The following MUC5B variants were observed in gnomAD, a reference collection of about 807,000 sequenced individuals.
MUC5B encodes mucin-5B.
MUC5B carries 116 observed loss-of-function variants against 376.9 expected under a neutral mutation model. The observed-to-expected ratio is 0.31, with a 90% CI of 0.26 to 0.36. The LOEUF (loss-of-function observed/expected upper bound fraction) is 0.36. Ranked by LOEUF, MUC5B falls within the 10% of genes least tolerant of loss-of-function variation. The pLI is 1.00. For missense variants in MUC5B, 7,165 were observed against 7,769.9 expected, an observed-to-expected ratio of 0.92 and a Z score of 2.93; for synonymous variants, 3,517 against 3,390.9, an observed-to-expected ratio of 1.04 and a Z score of -1.29.
chr11:1,246,325 G>A lies in MUC5B; in HGVS notation c.9445G>A (p.Gly3149Ser). ...AGCAGCCACTACAACTGCAGCCACTGGCCCCACGGCCACCCCGTCCTCCAC... is the reference window on the plus strand; with the variant it reads ...AGCAGCCACTACAACTGCAGCCACTAGCCCCACGGCCACCCCGTCCTCCAC... ...TTAATTTAATGPTATPSSTPG... is the reference protein window; with the variant it reads ...TTAATTTAATSPTATPSSTPG... The change falls in exon 31 of 49, where the codon GGC becomes AGC. Residue 3149 changes from glycine to serine, a missense_variant. Coordinates refer to ENST00000529681, the MANE Select transcript of MUC5B (RefSeq NM_002458.3). The A allele has an allele frequency of 6.2e-7, 1 of 1,601,286 alleles. No homozygotes were observed. The highest frequency in any genetic ancestry group is 8.5e-7 in the Non-Finnish European group (1 of 1,171,838).
At chr11:1,227,221 C>A in intron 5 of MUC5B, 76 bp downstream of exon 5, 1 of 1,576,300 alleles carries the variant, frequency 6.3e-7, no homozygotes, top group Non-Finnish European at 8.7e-7. Flanking sequence ...GGATGCCTCC[C>A]TGGGCTTGGG....
At chr11:1,231,200 C>T (rs1397383371) in intron 13 of MUC5B, among the ~76,000 whole-genome samples, 195 bp downstream of exon 13, 2 of 152,178 alleles carry the variant, frequency 1.3e-5, no homozygotes, top group East Asian at 3.9e-4. Flanking sequence ...AGGGACCCCA[C>T]ATCCAGCTCG....
At chr11:1,239,736 G>T in intron 27 of MUC5B, 63 bp from the exon 28 acceptor site, 1 of 1,540,488 alleles carries the variant, frequency 6.5e-7, no homozygotes, top group East Asian at 2.4e-5. Context: ...CTGCAGCATG[G>T]AGCCCCTGGC....
In MUC5B at chr11:1,225,513, C is replaced by T. The variant is rs150751394; in HGVS notation, c.71-168C>T. On this transcript the variant is annotated intron_variant, in intron 1 of 48. Transcript: ENST00000529681. Reference sequence around the variant, plus strand: ...GGCCTGAGCGGCTGGGGAGGAGTCCCGGCCTTGGCCACAGTGTGTCGTGAG... The same window carrying T: ...GGCCTGAGCGGCTGGGGAGGAGTCCTGGCCTTGGCCACAGTGTGTCGTGAG... Among the ~76,000 whole-genome samples the T allele has an allele frequency of 3.2e-3, 492 of 152,342 alleles. 5 individuals carry two copies. Among genetic ancestry groups the T allele is most frequent in the African/African-American group, 0.011 (477 of 41,578 alleles).
rs369709848 is a variant in MUC5B at position 1,241,859 on chromosome 11, C to T, written c.4979C>T (p.Pro1660Leu). 4 of 1,613,370 alleles carry T rather than the reference C, an allele frequency of 2.5e-6. No homozygotes were observed. Among genetic ancestry groups the T allele is most frequent in the Middle Eastern group, 1.6e-4 (1 of 6,062 alleles). ...ACCCTCTCAGAAGGACTGACATCCC[C>T]CAGATACACAAGCACCCTTGGTACA... ...VPTLSEGLTS[P>L]RYTSTLGTAT... Residue 1660 changes from proline to leucine, a missense_variant, in exon 31 of 49, where the codon CCC becomes CTC. Physicochemically the swap from Pro to Leu is moderately conservative, Grantham distance 98. Transcript: ENST00000529681.
At chr11:1,223,431 T>G in intron 1 of MUC5B, 3 of 622,324 alleles carry the variant, frequency 4.8e-6, no homozygotes, top group Non-Finnish European at 5.9e-6. Context: ...GGTGGGCCCC[T>G]GACCGCAGGG....
In MUC5B at chr11:1,254,264, C is replaced by T. The variant is rs1378115937; in HGVS notation, c.15390C>T (p.Ala5130=). ...YCTASATAAA[A]RCPRALSIHY... ...CGGCCTCTGCCACTGCCGCTGCCGC[C>T]CGCTGCCCCCGCGCCCTCAGCATCC... Residue 5130 remains alanine (A), a synonymous_variant, in exon 34 of 49, where the codon GCC becomes GCT. Coordinates refer to ENST00000529681, the MANE Select transcript of MUC5B (RefSeq NM_002458.3). 6.2e-7 allele frequency: 1 copy of T among 1,611,946 alleles called. No individual in the cohort carries two copies. The highest frequency in any genetic ancestry group is 8.5e-7 in the Non-Finnish European group (1 of 1,179,878).
In MUC5B at chr11:1,243,087, G is replaced by A. The variant is rs369350623; in HGVS notation, c.6207G>A (p.Thr2069=). ...CCACCCCCTCCTCCAGCCCAGGGAC[G>A]GCACTCACGCCTCCAGTGTGGATCA... ...FTATPSSSPG[T]ALTPPVWIST... Residue 2069 remains threonine, a synonymous_variant, in exon 31 of 49, where the codon ACG becomes ACA. Coordinates refer to ENST00000529681, the MANE Select transcript of MUC5B (RefSeq NM_002458.3). 10 of 1,611,024 alleles carry A rather than the reference G, an allele frequency of 6.2e-6. 1 individual carries two copies. The highest frequency in any genetic ancestry group is 2.2e-5 in the East Asian group (1 of 44,718).
chr11:1,248,048 C>G lies in MUC5B; in HGVS notation c.11168C>G (p.Thr3723Arg). The change falls in exon 31 of 49, where the codon ACA becomes AGA. Residue 3723 changes from threonine (T) to arginine (R), a missense_variant. By Grantham distance (71) the Thr-to-Arg change is moderately conservative (BLOSUM62 -1). Coordinates refer to ENST00000529681, the MANE Select transcript of MUC5B (RefSeq NM_002458.3). ...ACCCCAGGGACCACCTGGATCCTCACAGAGCCGAGCACTACAGCCACCGTG... is the reference window on the plus strand; with the variant it reads ...ACCCCAGGGACCACCTGGATCCTCAGAGAGCCGAGCACTACAGCCACCGTG... ...SSTPGTTWIL[T>R]EPSTTATVTV... The G allele has an allele frequency of 8.7e-6, 14 of 1,605,860 alleles. No homozygotes were observed. The highest frequency in any genetic ancestry group is 1.2e-5 in the Non-Finnish European group (14 of 1,176,746).
Position 1,249,696 on chromosome 11 carries a change from C to G in MUC5B, c.12816C>G (p.Thr4272=). Reference sequence around the variant, plus strand: ...GATCCACGGCCACCCCGTCCTCCACCCCGGGAACAGCTCCCCCTCCCAAAG... The same window carrying G: ...GATCCACGGCCACCCCGTCCTCCACGCCGGGAACAGCTCCCCCTCCCAAAG... ...STGSTATPSS[T]PGTAPPPKVL... The change falls in exon 31 of 49, where the codon ACC becomes ACG. Residue 4272 remains threonine (T), a synonymous_variant. Coordinates refer to ENST00000529681, the MANE Select transcript of MUC5B (RefSeq NM_002458.3). The G allele has an allele frequency of 5.6e-6, 9 of 1,610,018 alleles. No individual in the cohort carries two copies. Among genetic ancestry groups the G allele is most frequent in the Non-Finnish European group, 6.8e-6 (8 of 1,177,872 alleles).
At chr11:1,225,188 G>A (rs1861852298) in intron 1 of MUC5B, among the ~76,000 whole-genome samples, 1 of 152,260 alleles carries the variant, frequency 6.6e-6, no homozygotes, top group Admixed American at 6.5e-5. Context: ...TCTGTGTTTA[G>A]GTTTCTGCTA....
chr11:1,261,736 C>A lies in MUC5B; in HGVS notation c.*128C>A, dbSNP rs775209553. On this transcript the variant is annotated 3_prime_UTR_variant, in exon 49 of 49. Coordinates refer to ENST00000529681, the MANE Select transcript of MUC5B (RefSeq NM_002458.3). Reference sequence around the variant, plus strand: ...TGTGTGGCACCCCGCGCTCCGTGCTCCTGCTGCCCACCCCGTGGGTGAAAC... The same window carrying A: ...TGTGTGGCACCCCGCGCTCCGTGCTACTGCTGCCCACCCCGTGGGTGAAAC... 3 of 960,902 alleles carry A rather than the reference C, an allele frequency of 3.1e-6. No individual in the cohort carries two copies. Among genetic ancestry groups the A allele is most frequent in the Non-Finnish European group, 3.2e-6 (2 of 622,334 alleles). 59.5% of individuals were successfully genotyped at this position (960,902 alleles called of 1,614,324 possible).
chr11:1,250,451 C>T lies in MUC5B; in HGVS notation c.13571C>T (p.Ala4524Val). ...ACACCCACAGCTACCAGCTTTACAG[C>T]CATCCCCTCCTCCTCCCTGGGCACC... ...ATTPTATSFT[A>V]IPSSSLGTTW... Residue 4524 changes from alanine (A) to valine (V), a missense_variant, in exon 31 of 49, where the codon GCC becomes GTC. This residue lies in a region of MUC5B where 431 missense variants were observed against 390.4 expected (regional missense o/e 1.10). Coordinates refer to ENST00000529681, the MANE Select transcript of MUC5B (RefSeq NM_002458.3). The T allele has an allele frequency of 2.5e-6, 4 of 1,594,806 alleles. No individual in the cohort carries two copies. The highest frequency in any genetic ancestry group is 3.4e-6 in the Non-Finnish European group (4 of 1,163,876).
At position 1,227,730 on chromosome 11, in the gene MUC5B, G is replaced by A. The variant is rs2075855; in HGVS notation, c.723G>A (p.Thr241=). 53,550 of 723,098 alleles carry A rather than the reference G, an allele frequency of 0.074. 2,294 individuals carry two copies. The highest frequency in any genetic ancestry group is 0.11 in the Admixed American group (5,656 of 50,780). 44.8% of individuals were successfully genotyped at this position (723,098 alleles called of 1,614,324 possible). ...FGNLQKLDGP[T]EQCPDPLPLP... ...ACCTGCAGAAGTTGGATGGGCCCAC[G>A]GAGCAGTGCCCGGACCCGCTGCCCT... Residue 241 remains threonine (T), a synonymous_variant, in exon 7 of 49, where the codon ACG becomes ACA. Transcript: ENST00000529681.
rs753385957 is a variant in MUC5B, at chr11:1,245,958, C to G, written c.9078C>G (p.Thr3026=). ...PGTAPPPKVL[T]STATTPTATS... ...CAGCTCCCCCTCCCAAAGTGCTGAC[C>G]AGCACGGCCACCACACCCACAGCCA... The change falls in exon 31 of 49, where the codon ACC becomes ACG. Residue 3026 remains threonine, a synonymous_variant. Transcript: ENST00000529681. 1 of 1,613,054 alleles carries G rather than the reference C, an allele frequency of 6.2e-7. No homozygotes were observed. Among genetic ancestry groups the G allele is most frequent in the African/African-American group, 1.3e-5 (1 of 74,498 alleles).
rs201139728 is a variant in MUC5B at position 1,241,955 on chromosome 11, C to A, written c.5075C>A (p.Thr1692Asn). 1 of 1,605,304 alleles carries A rather than the reference C, an allele frequency of 6.2e-7. No individual in the cohort carries two copies. Among genetic ancestry groups the A allele is most frequent in the South Asian group, 1.1e-5 (1 of 89,680 alleles). Residue 1692 changes from threonine to asparagine, a missense_variant, in exon 31 of 49, where the codon ACC becomes AAC. Around this residue, in one of 31 missense-constraint regions of MUC5B, gnomAD observed 897 missense variants for 779.6 expected, o/e 1.15. Coordinates refer to ENST00000529681, the MANE Select transcript of MUC5B (RefSeq NM_002458.3). ...ACTGTCCCAGGGGTGGCCACATCCA[C>A]CCTTCCAACACGCTCAGCCCTTCCA... is the stretch of plus-strand genomic sequence containing the variant. ...EPTVPGVATS[T>N]LPTRSALPGT...
intron 44 of MUC5B, 73 bp from the exon 45 acceptor site, chr11:1,259,683 C>A (rs902381207): frequency 1.3e-6 from 2 of 1,510,450 alleles, no homozygotes; most frequent in South Asian, 2.3e-5. Flanking sequence ...GGGGTGTAGA[C>A]AGGAGGGCAG....
chr11:1,235,572 C>G (rs936134928), intron 23 of MUC5B, 159 bp downstream of exon 23: 1 of 653,036 alleles, frequency 1.5e-6, no homozygotes, highest in Non-Finnish European at 2.7e-6. Flanking sequence ...GCTTAGACAA[C>G]AGAAATGCAT....
At chr11:1,227,482 G>C in intron 6 of MUC5B, 84 bp downstream of exon 6, 1 of 1,116,764 alleles carries the variant, frequency 9.0e-7, no homozygotes, top group Non-Finnish European at 1.3e-6. Context: ...GGGAGGGGGC[G>C]GAGTGGGGAC....
Sources: allele counts gnomAD v4.1 joint callset (sites outside exome capture counted in the v4.1 genomes callset), GRCh38; gene constraint gnomAD v4.1.1; regional missense constraint gnomAD v4.1.1; transcripts MANE v1.5; gene names NCBI Gene and HGNC (gene_info 2026-07-23, HGNC 2026-07-21).